The following PCDHGA2 variants were observed in gnomAD, a reference collection of about 807,000 sequenced individuals.
The protein encoded by PCDHGA2 is protocadherin gamma subfamily A, 2.
A neutral mutation model predicts 59.2 loss-of-function variants in PCDHGA2; 40 were observed. The ratio of observed to expected loss-of-function variants is 0.68; its 90% CI spans 0.52 to 0.88. The LOEUF (loss-of-function observed/expected upper bound fraction) is 0.88, where lower values mean the gene tolerates loss of function less well. Ranked by LOEUF, PCDHGA2 falls within the 40% of genes least tolerant of loss-of-function variation. PCDHGA2 has a pLI of 0.00. For synonymous variants in PCDHGA2, 560 were observed against 526.0 expected (o/e 1.06, Z -0.89); for missense variants, 1,226 against 1,204.0 (o/e 1.02, Z -0.27).
At position 141,357,036 on chromosome 5, in the gene PCDHGA2, C is replaced by T. The variant is rs765676515; in HGVS notation, c.2424+15641C>T. 10 of 1,614,042 alleles carry T rather than the reference C, an allele frequency of 6.2e-6. No homozygotes were observed. The Middle Eastern group carries it at 5.0e-4, about 80-fold the overall frequency. On this transcript the variant is annotated intron_variant, in intron 1 of 3. Coordinates refer to ENST00000394576, the MANE Select transcript of PCDHGA2 (RefSeq NM_018915.4). The stretch of plus-strand genomic sequence containing the variant: ...TGTCCTACAGCCTACTCAAGTCCAG[C>T]GAGCCGGGACTATTTGCAGTGGGGC...
At chr5:141,483,603 A>T (rs1277479077) in intron 1 of PCDHGA2, among the ~76,000 whole-genome samples, 1 of 152,054 alleles carries the variant, frequency 6.6e-6, no homozygotes, top group Non-Finnish European at 1.5e-5. Context: ...AGGCTGGTTT[A>T]CACCTCCATC....
chr5:141,421,750 C>A lies in PCDHGA2; in HGVS notation c.2425-73057C>A, dbSNP rs766529731. On this transcript the variant is annotated intron_variant, in intron 1 of 3. Coordinates refer to ENST00000394576, the MANE Select transcript of PCDHGA2 (RefSeq NM_018915.4). ...CTCCCTCCAGAGCTACCAGCTCAGC[C>A]CTAATAATTACTTTTCCTTGCAACT... 4.3e-6 allele frequency: 7 copies of A among 1,613,788 alleles called. No individual in the cohort carries two copies. Among genetic ancestry groups the A allele is most frequent in the Non-Finnish European group, 5.9e-6 (7 of 1,179,864 alleles).
chr5:141,432,104 C>T lies in PCDHGA2; in HGVS notation c.2425-62703C>T. The stretch of plus-strand genomic sequence containing the variant: ...GAACGTGGCAGACACCAACGACAAC[C>T]CGCCGGTCTTCCCTCAGGCCTCCTA... On this transcript the variant is annotated intron_variant, in intron 1 of 3. Coordinates refer to ENST00000394576, the MANE Select transcript of PCDHGA2 (RefSeq NM_018915.4). This position sits in a 1 kb window ranked among gnomAD's most constrained non-coding sequence, Gnocchi z 6.0. 1 of 1,614,204 alleles carries T rather than the reference C, an allele frequency of 6.2e-7. No individual in the cohort carries two copies. The highest frequency in any genetic ancestry group is 1.7e-5 in the Admixed American group (1 of 60,026).
intron 1 of PCDHGA2, among the ~76,000 whole-genome samples, chr5:141,353,525 T>C (rs1759307512): frequency 1.3e-5 from 2 of 152,224 alleles, no homozygotes; most frequent in Non-Finnish European, 2.9e-5. Context: ...TCCAATTTTA[T>C]ATTTGCATCA....
chr5:141,395,182 C>A (rs143509166), intron 1 of PCDHGA2: 1 of 1,614,114 alleles, frequency 6.2e-7, no homozygotes, highest in South Asian at 1.1e-5. Context: ...AAAAATGATT[C>A]TTTGTTAACA....
In PCDHGA2 at chr5:141,382,919, G is replaced by A. The variant is rs1467219150; in HGVS notation, c.2424+41524G>A. 14 of 1,559,330 alleles carry A rather than the reference G, an allele frequency of 9.0e-6. No homozygotes were observed. Among genetic ancestry groups the A allele is most frequent in the Non-Finnish European group, 1.1e-5 (13 of 1,152,236 alleles). ...ACGACTATGGCGGCTCAGCCGAGGG[G>A]CGGGGACTACAGAGGATTCTTCCTG... On this transcript the variant is annotated intron_variant, in intron 1 of 3. Coordinates refer to ENST00000394576, the MANE Select transcript of PCDHGA2 (RefSeq NM_018915.4).
At chr5:141,394,159 C>T in intron 1 of PCDHGA2, 1 of 1,613,916 alleles carries the variant, frequency 6.2e-7, no homozygotes, top group Non-Finnish European at 8.5e-7. Context: ...AACGACAACC[C>T]TCCTACTTTC....
intron 1 of PCDHGA2, chr5:141,382,596 AATTTTCT>A (rs1778321594): frequency 3.9e-6 from 1 of 254,502 alleles, no homozygotes; most frequent in Non-Finnish European, 7.4e-6. Flanking sequence ...AAGATGAAAC[AATTTTCT>A]ATGAAATCAG....
chr5:141,352,728 G>A (rs1759097039), intron 1 of PCDHGA2: 4 of 1,522,770 alleles, frequency 2.6e-6, no homozygotes, highest in East Asian at 2.5e-5. Context: ...GGTGGCTCAA[G>A]CCTGTAATCC....
rs1366128123 is a variant in PCDHGA2 at position 141,353,185 on chromosome 5, G to T, written c.2424+11790G>T. Among the ~76,000 whole-genome samples, 3 of 151,922 alleles carry T rather than the reference G, an allele frequency of 2.0e-5. No individual in the cohort carries two copies. The East Asian group carries it at 5.8e-4, about 29-fold the overall frequency. ...TACTGTTGGCATTTCTGTATGGTTG[G>T]CAAATCTTGCTAAAGAGACCTGTTT... is the stretch of plus-strand genomic sequence containing the variant. On this transcript the variant is annotated intron_variant, in intron 1 of 3. Transcript: ENST00000394576.
In PCDHGA2 at chr5:141,340,730, C is replaced by T. The variant is rs769088304; in HGVS notation, c.1759C>T (p.Leu587=). The change falls in exon 1 of 4, where the codon CTG becomes TTG. Residue 587 remains leucine, a synonymous_variant. Transcript: ENST00000394576. ...LAPRSAEPGY[L]VTKVVAVDRD... ...GCCCCGCTCCGCAGAGCCCGGCTAC[C>T]TGGTGACCAAGGTGGTGGCGGTGGA... 1.2e-6 allele frequency: 2 copies of T among 1,613,974 alleles called. No individual in the cohort carries two copies. Among genetic ancestry groups the T allele is most frequent in the African/African-American group, 1.3e-5 (1 of 74,924 alleles).
rs754835805 is a variant in PCDHGA2 at position 141,415,008 on chromosome 5, T to C, written c.2424+73613T>C. ...GCCAGAACGCCTGGCTGTCCTACCGTCTGCTCAAGGCCAGCGAGCCGGGAC... is the reference window on the plus strand; with the variant it reads ...GCCAGAACGCCTGGCTGTCCTACCGCCTGCTCAAGGCCAGCGAGCCGGGAC... On this transcript the variant is annotated intron_variant, in intron 1 of 3. Transcript: ENST00000394576. 3.1e-6 allele frequency: 5 copies of C among 1,613,636 alleles called. No individual in the cohort carries two copies. The South Asian group carries it at 3.3e-5, about 11-fold the overall frequency.
intron 1 of PCDHGA2, among the ~76,000 whole-genome samples, chr5:141,469,004 C>T (rs570896326): frequency 3.3e-5 from 5 of 151,802 alleles, no homozygotes; most frequent in Admixed American, 2.0e-4. Flanking sequence ...TTGCTGGGTG[C>T]GGTGGGTCAC....
intron 1 of PCDHGA2, among the ~76,000 whole-genome samples, chr5:141,463,783 C>T (rs1395035313): frequency 1.3e-5 from 2 of 152,138 alleles, no homozygotes; most frequent in African/African-American, 4.8e-5. Flanking sequence ...CCTGCACTGT[C>T]TTTTGAACAA....
Position 141,376,227 on chromosome 5 carries a change from G to T in PCDHGA2, c.2424+34832G>T, listed in dbSNP as rs1210093854. On this transcript the variant is annotated intron_variant, in intron 1 of 3. Coordinates refer to ENST00000394576, the MANE Select transcript of PCDHGA2 (RefSeq NM_018915.4). ...TTCGTCATCGTGCTGCTGGCGCTCA[G>T]ACTGCAGCGCTGGCACAAGTCACGC... The T allele has an allele frequency of 4.3e-6, 7 of 1,614,216 alleles. No homozygotes were observed. The South Asian group carries it at 7.7e-5, about 18-fold the overall frequency.
intron 1 of PCDHGA2, among the ~76,000 whole-genome samples, chr5:141,492,341 C>T (rs2099739551): frequency 6.6e-6 from 1 of 152,222 alleles, no homozygotes; most frequent in East Asian, 1.9e-4. Flanking sequence ...CGAATACCAG[C>T]TTTCACTGCC....
chr5:141,367,803 T>C (rs760615921), intron 1 of PCDHGA2: 4 of 152,152 alleles, frequency 2.6e-5, no homozygotes, highest in African/African-American at 7.2e-5. Flanking sequence ...TCTTCTGTTA[T>C]AGATAAACCC....
Position 141,500,858 on chromosome 5 carries a change from A to G in PCDHGA2, c.2484-4535A>G, listed in dbSNP as rs1160743056. Among the ~76,000 whole-genome samples the G allele has an allele frequency of 3.3e-5, 5 of 150,740 alleles. No individual in the cohort carries two copies. The South Asian group carries it at 1.0e-3, about 32-fold the overall frequency. ...TAATGGGCTTTTGCTACATTAGAAA[A>G]CATACACATTCATTTACAATTTTTT... On this transcript the variant is annotated intron_variant, in intron 2 of 3. Coordinates refer to ENST00000394576, the MANE Select transcript of PCDHGA2 (RefSeq NM_018915.4).
intron 1 of PCDHGA2, chr5:141,344,125 T>A: frequency 6.2e-7 from 1 of 1,614,018 alleles, no homozygotes; most frequent in South Asian, 1.1e-5. Flanking sequence ...TCCGGTCAGA[T>A]CCGCTACTCG....
Sources: gnomAD v4.1 joint callset for allele counts (sites outside exome capture counted in the v4.1 genomes callset) on GRCh38, gnomAD v4.1.1 for gene constraint, Gnocchi (gnomAD v3.1) non-coding constraint, MANE v1.5 for transcripts, NCBI Gene and HGNC (gene_info 2026-07-23, HGNC 2026-07-21) for gene names.